The following LSAMP variants were observed in gnomAD, a reference collection of about 807,000 sequenced individuals.
LSAMP encodes the protein limbic system associated membrane protein.
A neutral mutation model predicts 38.6 loss-of-function variants in LSAMP; 7 were observed. The observed-to-expected ratio is 0.18, with a 90% CI of 0.10 to 0.34. The LOEUF (loss-of-function observed/expected upper bound fraction) is 0.34, where lower values mean the gene tolerates loss of function less well. Among genes scored for constraint, LSAMP ranks in the 10% least tolerant of loss-of-function variants. The pLI is 1.00. For missense variants in LSAMP, 313 were observed against 420.0 expected, an observed-to-expected ratio of 0.75 and a Z score of 2.23; for synonymous variants, 154 against 166.8, an observed-to-expected ratio of 0.92 and a Z score of 0.59.
chr3:116,356,146 G>C (rs1221876005), intron 1 of LSAMP, among the ~76,000 whole-genome samples: 2 of 152,144 alleles, frequency 1.3e-5, no homozygotes, highest in Non-Finnish European at 2.9e-5. Context: ...TTATTACAGC[G>C]CTATTCACAA....
intron 1 of LSAMP, among the ~76,000 whole-genome samples, chr3:116,313,633 GAGAA>G (rs1481897508): frequency 1.3e-5 from 2 of 152,168 alleles, no homozygotes; most frequent in Admixed American, 1.3e-4. Context: ...AAGGGCAGGA[GAGAA>G]AGAAAAACTA....
chr3:116,067,989 T>A (rs1465866138), intron 2 of LSAMP, among the ~76,000 whole-genome samples: 1 of 152,070 alleles, frequency 6.6e-6, no homozygotes. Context: ...GGAAATGGAA[T>A]GGGAAGGAGT....
intron 1 of LSAMP, among the ~76,000 whole-genome samples, chr3:116,255,691 G>T (rs966003944): frequency 2.6e-5 from 4 of 152,122 alleles, no homozygotes; most frequent in African/African-American, 9.7e-5. Flanking sequence ...CAGGCACTGG[G>T]AGACCTAAAA....
At chr3:116,003,272 C>T (rs944387714) in intron 3 of LSAMP, among the ~76,000 whole-genome samples, 4 of 152,120 alleles carry the variant, frequency 2.6e-5, no homozygotes, top group African/African-American at 9.7e-5. Flanking sequence ...TTTTACATTG[C>T]GTTACGTATT....
At chr3:116,197,989 G>A (rs1157412559) in intron 1 of LSAMP, among the ~76,000 whole-genome samples, 2 of 152,140 alleles carry the variant, frequency 1.3e-5, no homozygotes, top group African/African-American at 4.8e-5. Context: ...ACTGCACAAA[G>A]AGAAACACTA....
chr3:115,835,047 A>G (rs1422138440), intron 6 of LSAMP, among the ~76,000 whole-genome samples: 1 of 152,186 alleles, frequency 6.6e-6, no homozygotes, highest in Non-Finnish European at 1.5e-5. Flanking sequence ...TATAGTTCAC[A>G]TCAGCTTTAG....
chr3:116,068,720 G>A (rs1456038842), intron 2 of LSAMP, among the ~76,000 whole-genome samples: 7 of 152,170 alleles, frequency 4.6e-5, no homozygotes, highest in Admixed American at 2.0e-4. Context: ...TTCTATATAT[G>A]ATTGCATCCT....
intron 1 of LSAMP, among the ~76,000 whole-genome samples, chr3:116,352,300 T>C (rs1256716542): frequency 1.3e-5 from 2 of 152,088 alleles, no homozygotes; most frequent in African/African-American, 4.8e-5. Flanking sequence ...AAGTACATAC[T>C]ATGAAAGAGT....
chr3:116,195,730 A>C (rs2107586619), intron 1 of LSAMP, among the ~76,000 whole-genome samples: 1 of 151,752 alleles, frequency 6.6e-6, no homozygotes, highest in African/African-American at 2.4e-5. Flanking sequence ...AAAAAAAAAA[A>C]CATTTAAAGG....
At chr3:116,162,840 T>C (rs1010780918) in intron 1 of LSAMP, among the ~76,000 whole-genome samples, 5 of 151,494 alleles carry the variant, frequency 3.3e-5, no homozygotes, top group African/African-American at 1.2e-4. Flanking sequence ...GTCCCAGCCT[T>C]GATAAATATC....
intron 1 of LSAMP, among the ~76,000 whole-genome samples, chr3:116,100,827 C>T (rs1304004504): frequency 2.0e-5 from 3 of 152,160 alleles, no homozygotes; most frequent in Non-Finnish European, 1.5e-5. Context: ...GAATTTTATG[C>T]TTTATTCAGA....
intron 1 of LSAMP, among the ~76,000 whole-genome samples, chr3:116,353,416 C>T (rs1205880107): frequency 6.6e-6 from 1 of 151,902 alleles, no homozygotes; most frequent in Non-Finnish European, 1.5e-5. Context: ...TATAAACTGC[C>T]TTGGTATTGT....
At chr3:116,092,966 C>G (rs552681531) in intron 1 of LSAMP, among the ~76,000 whole-genome samples, 1 of 152,254 alleles carries the variant, frequency 6.6e-6, no homozygotes, top group South Asian at 2.1e-4. Flanking sequence ...CAGACTTAGC[C>G]TTGCATAAAT....
intron 3 of LSAMP, among the ~76,000 whole-genome samples, chr3:115,857,237 C>T (rs895115384): frequency 3.9e-5 from 6 of 152,192 alleles, no homozygotes; most frequent in African/African-American, 1.4e-4. Flanking sequence ...TCTTGAGTCA[C>T]AAAATTCTAA....
intron 1 of LSAMP, among the ~76,000 whole-genome samples, chr3:116,249,940 C>G (rs975688357): frequency 6.6e-6 from 1 of 152,084 alleles, no homozygotes; most frequent in Non-Finnish European, 1.5e-5. Context: ...AGCATTATCT[C>G]ATTTATTTTT....
chr3:116,108,122 G>C (rs1396642419), intron 1 of LSAMP, among the ~76,000 whole-genome samples: 2 of 152,026 alleles, frequency 1.3e-5, no homozygotes, highest in South Asian at 2.1e-4. Flanking sequence ...GTGCATGATC[G>C]GTCGCCAAGG....
intron 3 of LSAMP, among the ~76,000 whole-genome samples, chr3:115,883,731 T>A (rs1399405714): frequency 6.6e-6 from 1 of 152,000 alleles, no homozygotes; most frequent in East Asian, 1.9e-4. Flanking sequence ...TTACTGTAGA[T>A]GTATTTATAC....
chr3:116,252,982 C>T (rs2046704364), intron 1 of LSAMP, among the ~76,000 whole-genome samples: 1 of 152,206 alleles, frequency 6.6e-6, no homozygotes, highest in African/African-American at 2.4e-5. Context: ...ATTATTCAAT[C>T]AGTCCAGCCC....
At chr3:116,146,803 G>A (rs1275577699) in intron 1 of LSAMP, among the ~76,000 whole-genome samples, 2 of 151,798 alleles carry the variant, frequency 1.3e-5, no homozygotes, top group East Asian at 3.9e-4. Context: ...TATCAATTTG[G>A]TAAAAGTTGT....
Sources: gnomAD v4.1 joint callset for allele counts (sites outside exome capture counted in the v4.1 genomes callset) on GRCh38, gnomAD v4.1.1 for gene constraint, MANE v1.5 for transcripts, NCBI Gene and HGNC (gene_info 2026-07-23, HGNC 2026-07-21) for gene names.